CACNA1D: variants seen among roughly 807,000 people sequenced by gnomAD.
The protein encoded by CACNA1D is calcium voltage-gated channel subunit alpha1 D, also known as voltage-dependent L-type calcium channel subunit alpha-1D.
In CACNA1D, 55 loss-of-function variants were observed where a neutral mutation model predicts 257.1. The ratio of observed to expected loss-of-function variants is 0.21; its 90% CI spans 0.17 to 0.27. The LOEUF is 0.27. Ranked by LOEUF, CACNA1D falls within the 10% of genes least tolerant of loss-of-function variation. The pLI is 1.00. For synonymous variants in CACNA1D, 980 were observed against 1,014.9 expected, an observed-to-expected ratio of 0.97 and a Z score of 0.65; for missense variants, 1,876 against 2,784.0, an observed-to-expected ratio of 0.67 and a Z score of 7.34.
intron 3 of CACNA1D, among the ~76,000 whole-genome samples, chr3:53,515,738 G>A (rs2091307314): frequency 6.6e-6 from 1 of 152,204 alleles, no homozygotes. Context: ...CTGACATGTG[G>A]TCCCTGACCT....
intron 28 of CACNA1D, among the ~76,000 whole-genome samples, chr3:53,752,485 C>T (rs753249554): frequency 5.9e-5 from 9 of 152,178 alleles, no homozygotes; most frequent in Non-Finnish European, 1.2e-4. Flanking sequence ...CTGCAACCTC[C>T]GCCTCCTGGG....
In CACNA1D at chr3:53,545,232, T is replaced by C. The variant is rs570534661; in HGVS notation, c.483+43512T>C. 3.9e-5 allele frequency among the ~76,000 whole-genome samples: 6 copies of C among 152,364 alleles called. No homozygotes were observed. In the East Asian group the frequency reaches 9.6e-4, roughly 25 times the overall value. ...CAGTTTTAAAGAGCATCTTAATGAA[T>C]ACAAAGTACTTGCCAGAATATTTTC... On this transcript the variant is annotated intron_variant, in intron 3 of 47. Coordinates refer to ENST00000350061, the MANE Select transcript of CACNA1D (RefSeq NM_001128840.3).
At chr3:53,809,931 G>A (rs752329820) in intron 46 of CACNA1D, 47 bp from the exon 47 acceptor site, 13 of 1,574,754 alleles carry the variant, frequency 8.3e-6, no homozygotes, top group South Asian at 4.4e-5. Flanking sequence ...TTTGAGGCCC[G>A]GACCTCTGAG....
rs933683401 is a variant in CACNA1D at position 53,497,375 on chromosome 3, G to T, written c.291G>T (p.Ser97=). Residue 97 remains serine, a synonymous_variant, in exon 2 of 48, where the codon TCG becomes TCT. Transcript: ENST00000350061. ...CCAAGAGCAAAAAACAGGGTAACTC[G>T]TCCAACAGCCGACCTGCCCGCGCCC... ...QYAKSKKQGN[S]SNSRPARALF... The T allele has an allele frequency of 1.9e-6, 3 of 1,614,138 alleles. No homozygotes were observed. Among genetic ancestry groups the T allele is most frequent in the Non-Finnish European group, 2.5e-6 (3 of 1,180,034 alleles).
chr3:53,659,389 A>G (rs545704761), intron 4 of CACNA1D, among the ~76,000 whole-genome samples: 1 of 152,292 alleles, frequency 6.6e-6, no homozygotes, highest in South Asian at 2.1e-4. Flanking sequence ...AAATATCCCT[A>G]TGAAGGTGAA....
chr3:53,757,370 C>T (rs905724814), intron 29 of CACNA1D, among the ~76,000 whole-genome samples: 1 of 152,196 alleles, frequency 6.6e-6, no homozygotes, highest in African/African-American at 2.4e-5. Context: ...TTTCCCAGAG[C>T]CCTCTCCTGG....
chr3:53,533,247 C>G (rs552919579), intron 3 of CACNA1D, among the ~76,000 whole-genome samples: 2 of 152,114 alleles, frequency 1.3e-5, no homozygotes, highest in East Asian at 3.9e-4. Flanking sequence ...TATGTGATTC[C>G]CTCCCCATTT....
chr3:53,659,635 A>G (rs1001333514), intron 4 of CACNA1D, among the ~76,000 whole-genome samples: 5 of 152,224 alleles, frequency 3.3e-5, no homozygotes, highest in Non-Finnish European at 7.3e-5. Context: ...CTGTGTTTAC[A>G]TGTGTTGCTG....
At chr3:53,663,469 C>G (rs74945419) in intron 5 of CACNA1D, among the ~76,000 whole-genome samples, 8,584 of 152,210 alleles carry the variant, frequency 0.056, 797 homozygotes, top group African/African-American at 0.19. Context: ...GGCCTGGTCT[C>G]CAGGGCAGGT....
At chr3:53,687,397 A>C (rs1433853306) in intron 8 of CACNA1D, among the ~76,000 whole-genome samples, 1 of 152,184 alleles carries the variant, frequency 6.6e-6, no homozygotes, top group Non-Finnish European at 1.5e-5. Flanking sequence ...AATGTTTGAC[A>C]TAAAGATAGA....
intron 3 of CACNA1D, among the ~76,000 whole-genome samples, chr3:53,609,211 C>G (rs2093552136): frequency 6.6e-6 from 1 of 152,062 alleles, no homozygotes; most frequent in East Asian, 1.9e-4. Flanking sequence ...GAGATAAAGA[C>G]CATCCTGGCT....
intron 3 of CACNA1D, among the ~76,000 whole-genome samples, chr3:53,636,090 G>A (rs1314725068): frequency 6.6e-6 from 1 of 152,170 alleles, no homozygotes; most frequent in Non-Finnish European, 1.5e-5. Context: ...GGTTTTTGTG[G>A]ATGTGTATAT....
At chr3:53,794,843 G>C (rs909285026) in intron 40 of CACNA1D, among the ~76,000 whole-genome samples, 4 of 152,202 alleles carry the variant, frequency 2.6e-5, no homozygotes, top group Non-Finnish European at 4.4e-5. Flanking sequence ...GTGACCTCAT[G>C]GACCCCTGAC....
intron 3 of CACNA1D, among the ~76,000 whole-genome samples, chr3:53,552,934 T>C (rs2107592404): frequency 6.6e-6 from 1 of 152,316 alleles, no homozygotes; most frequent in South Asian, 2.1e-4. Flanking sequence ...GAGTGCTTAA[T>C]AAACCCAGGA....
intron 11 of CACNA1D, 93 bp from the exon 12 acceptor site, chr3:53,722,221 C>A: frequency 7.7e-6 from 11 of 1,427,526 alleles, no homozygotes; most frequent in Non-Finnish European, 1.1e-5. Context: ...TCTAGACCTC[C>A]AGAGTGAAAG....
chr3:53,718,537 C>T, intron 10 of CACNA1D, 149 bp downstream of exon 10: 2 of 1,030,166 alleles, frequency 1.9e-6, no homozygotes, highest in African/African-American at 3.2e-5. Flanking sequence ...CGCCACGCTT[C>T]CTCCTGTGCC....
At chr3:53,729,476 G>C (rs1299422329) in intron 15 of CACNA1D, among the ~76,000 whole-genome samples, 7 of 152,184 alleles carry the variant, frequency 4.6e-5, no homozygotes, top group African/African-American at 7.2e-5. Context: ...ATCAGGCAGA[G>C]AGAAGCATTT....
intron 38 of CACNA1D, 22 bp from the exon 39 acceptor site, chr3:53,781,544 C>G (rs1189136118): frequency 6.6e-7 from 1 of 1,521,202 alleles, no homozygotes. Context: ...CTTGCTTTTC[C>G]CCTTTTGTTT....
chr3:53,793,142 G>A lies in CACNA1D; in HGVS notation c.4923+6190G>A, dbSNP rs747632891. ...ACCTGAGTCTCCTTCCCCACTGCCAGCAGCCCAGCCCCTCCTGAGACTGCT... is the reference window on the plus strand; with the variant it reads ...ACCTGAGTCTCCTTCCCCACTGCCAACAGCCCAGCCCCTCCTGAGACTGCT... On this transcript the variant is annotated intron_variant, in intron 40 of 47. Transcript: ENST00000350061. This position sits in a 1 kb window ranked among gnomAD's most constrained non-coding sequence, Gnocchi z 4.1. 6.6e-6 allele frequency among the ~76,000 whole-genome samples: 1 copy of A among 152,192 alleles called. No individual in the cohort carries two copies. The highest frequency in any genetic ancestry group is 1.5e-5 in the Non-Finnish European group (1 of 68,028).
Sources: allele counts gnomAD v4.1 joint callset (sites outside exome capture counted in the v4.1 genomes callset), GRCh38; gene constraint gnomAD v4.1.1; non-coding constraint Gnocchi (gnomAD v3.1); transcripts MANE v1.5; gene names NCBI Gene and HGNC (gene_info 2026-07-23, HGNC 2026-07-21).